The following FYN variants were observed in gnomAD, a reference collection of about 807,000 sequenced individuals.
The protein encoded by FYN is tyrosine-protein kinase Fyn.
In FYN, 10 loss-of-function variants were observed where a neutral mutation model predicts 70.2. That is an observed-to-expected ratio of 0.14 (90% CI 0.09 to 0.24). FYN has a LOEUF of 0.24. Among genes scored for constraint, FYN ranks in the 10% least tolerant of loss-of-function variants. The pLI, the probability that FYN is intolerant of heterozygous loss-of-function variation, is 1.00. For missense variants in FYN, 319 were observed against 673.1 expected (o/e 0.47, Z 5.82); for synonymous variants, 236 against 248.6 (o/e 0.95, Z 0.48).
In FYN at chr6:111,708,089, T is replaced by A; in HGVS notation, c.345-69A>T. ...GCTTGCAGTTAGAGACTCACTGTGG[T>A]CTGAAGTGTATAACTGTCACCTAAT... On this transcript the variant is annotated intron_variant, in intron 5 of 13. Coordinates refer to ENST00000354650, the MANE Select transcript of FYN (RefSeq NM_002037.5). The A allele has an allele frequency of 8.5e-6, 10 of 1,169,946 alleles. No individual in the cohort carries two copies. The South Asian group carries it at 1.2e-4, about 14-fold the overall frequency. The allele number at this position is 1,169,946 out of a possible 1,614,324, so 72.5% of individuals were successfully genotyped here.
intron 12 of FYN, among the ~76,000 whole-genome samples, chr6:111,678,974 C>A (rs184687055): frequency 6.6e-6 from 1 of 152,216 alleles, no homozygotes; most frequent in East Asian, 1.9e-4. Context: ...CTCAGCATGT[C>A]CCCCCCTGGG....
chr6:111,732,076 G>A (rs901800760), intron 3 of FYN, among the ~76,000 whole-genome samples: 4 of 152,116 alleles, frequency 2.6e-5, no homozygotes, highest in South Asian at 4.1e-4. Context: ...CTGTGTGGGA[G>A]GAACATGTGC....
intron 3 of FYN, among the ~76,000 whole-genome samples, chr6:111,721,832 C>T (rs1261237981): frequency 6.6e-6 from 1 of 152,160 alleles, no homozygotes; most frequent in South Asian, 2.1e-4. Flanking sequence ...AATACCCCAA[C>T]AAGCCAACAG....
intron 3 of FYN, among the ~76,000 whole-genome samples, chr6:111,732,288 T>C (rs1801500353): frequency 1.3e-5 from 2 of 148,868 alleles, no homozygotes; most frequent in Admixed American, 6.6e-5. Flanking sequence ...GAGAATACAA[T>C]GTTTTTTTAT....
intron 2 of FYN, among the ~76,000 whole-genome samples, chr6:111,809,343 G>T (rs941045265): frequency 6.6e-6 from 1 of 152,242 alleles, no homozygotes; most frequent in African/African-American, 2.4e-5. Flanking sequence ...CTACTCTATG[G>T]TTACCTTCAG....
intron 6 of FYN, among the ~76,000 whole-genome samples, chr6:111,705,918 G>A (rs1287661804): frequency 6.6e-6 from 1 of 152,152 alleles, no homozygotes; most frequent in African/African-American, 2.4e-5. Flanking sequence ...CAAGTGCTGG[G>A]ATTACAGGAG....
intron 2 of FYN, among the ~76,000 whole-genome samples, chr6:111,841,729 T>C (rs775507893): frequency 2.0e-5 from 3 of 152,126 alleles, no homozygotes; most frequent in Non-Finnish European, 4.4e-5. Flanking sequence ...GCAGTTGTTC[T>C]AGATCAGTTA....
chr6:111,734,406 G>A (rs1801610666), intron 3 of FYN, among the ~76,000 whole-genome samples: 1 of 152,170 alleles, frequency 6.6e-6, no homozygotes. Flanking sequence ...GTGTCCTACA[G>A]TTTTTATTTA....
chr6:111,740,519 G>A (rs575643351), intron 3 of FYN, among the ~76,000 whole-genome samples: 3 of 152,270 alleles, frequency 2.0e-5, no homozygotes, highest in African/African-American at 7.2e-5. Flanking sequence ...CCAATCTTGC[G>A]CTCTATACCC....
chr6:111,722,716 ATAC>A (rs1801013342), intron 3 of FYN, among the ~76,000 whole-genome samples: 1 of 152,138 alleles, frequency 6.6e-6, no homozygotes, highest in African/African-American at 2.4e-5. Flanking sequence ...GAGGGGAGGG[ATAC>A]TCCTGATACC....
chr6:111,692,106 C>A (rs999469670), intron 12 of FYN, among the ~76,000 whole-genome samples: 1 of 148,162 alleles, frequency 6.7e-6, no homozygotes, highest in African/African-American at 2.5e-5. Flanking sequence ...TCATTTCCCC[C>A]CCCCCCAGTT....
chr6:111,849,052 C>A (rs1583492076), intron 1 of FYN, among the ~76,000 whole-genome samples: 1 of 152,202 alleles, frequency 6.6e-6, no homozygotes, highest in South Asian at 2.1e-4. Flanking sequence ...TATGTAGTTA[C>A]ACAGACATTT....
intron 3 of FYN, among the ~76,000 whole-genome samples, chr6:111,733,981 G>C (rs900441242): frequency 6.6e-6 from 1 of 152,270 alleles, no homozygotes; most frequent in Non-Finnish European, 1.5e-5. Flanking sequence ...CAGTTACTTG[G>C]GGGGCTGGGG....
intron 10 of FYN, 147 bp downstream of exon 10, chr6:111,696,130 T>A: frequency 3.2e-6 from 2 of 626,726 alleles, no homozygotes; most frequent in Middle Eastern, 4.9e-4. Flanking sequence ...AATGTTTTCA[T>A]TAACGAGCAC....
At chr6:111,798,315 G>A (rs1384878263) in intron 2 of FYN, 1 of 152,164 alleles carries the variant, frequency 6.6e-6, no homozygotes, top group East Asian at 1.9e-4. Context: ...TTCTGGTAAT[G>A]TTATTTTAAA....
chr6:111,684,730 A>G (rs1225215785), intron 12 of FYN, among the ~76,000 whole-genome samples: 2 of 152,180 alleles, frequency 1.3e-5, no homozygotes, highest in East Asian at 3.9e-4. Context: ...GGGCAACACA[A>G]AAGTAGAGGA....
chr6:111,711,198 A>G (rs1800360110), intron 5 of FYN, among the ~76,000 whole-genome samples: 1 of 152,128 alleles, frequency 6.6e-6, no homozygotes, highest in Non-Finnish European at 1.5e-5. Flanking sequence ...TCAGTAGTGT[A>G]GCATTTTATG....
At chr6:111,871,603 C>G (rs1050249606) in intron 1 of FYN, among the ~76,000 whole-genome samples, 1 of 152,230 alleles carries the variant, frequency 6.6e-6, no homozygotes, top group African/African-American at 2.4e-5. Flanking sequence ...ACAGTGCCCT[C>G]TTAGACTTGA....
intron 13 of FYN, among the ~76,000 whole-genome samples, chr6:111,668,849 T>C (rs1798128212): frequency 6.6e-6 from 1 of 152,190 alleles, no homozygotes; most frequent in East Asian, 1.9e-4. Flanking sequence ...AGAGCTTTCA[T>C]TCGGCTTCCC....
Sources: gnomAD v4.1 joint callset for allele counts (sites outside exome capture counted in the v4.1 genomes callset) on GRCh38, gnomAD v4.1.1 for gene constraint, MANE v1.5 for transcripts, NCBI Gene and HGNC (gene_info 2026-07-23, HGNC 2026-07-21) for gene names.